The following SRBD1 variants were observed in gnomAD, a reference collection of about 807,000 sequenced individuals.
SRBD1 encodes S1 RNA-binding domain-containing protein 1.
SRBD1 carries 88 observed loss-of-function variants against 115.3 expected under a neutral mutation model. That is an observed-to-expected ratio of 0.76 (90% confidence interval 0.64 to 0.91). The LOEUF is 0.91. SRBD1 is among the 40% of genes least tolerant of loss of function. SRBD1 has a pLI of 0.00. For missense variants in SRBD1, 1,385 were observed against 1,177.4 expected (o/e 1.18, Z -2.58); for synonymous variants, 509 against 407.7 (o/e 1.25, Z -2.99).
At chr2:45,564,856 G>A (rs977815722) in intron 9 of SRBD1, among the ~76,000 whole-genome samples, 1 of 152,132 alleles carries the variant, frequency 6.6e-6, no homozygotes, top group Non-Finnish European at 1.5e-5. Context: ...GTTCTGCAGG[G>A]CCAACTCTGG....
chr2:45,476,347 T>A (rs1249707938), intron 16 of SRBD1, among the ~76,000 whole-genome samples: 1 of 152,188 alleles, frequency 6.6e-6, no homozygotes, highest in Non-Finnish European at 1.5e-5. Context: ...ATAGTACCTA[T>A]CATTCAAATC....
chr2:45,390,667 C>T (rs1470738444), intron 20 of SRBD1, among the ~76,000 whole-genome samples: 1 of 152,114 alleles, frequency 6.6e-6, no homozygotes, highest in Non-Finnish European at 1.5e-5. Flanking sequence ...TTTCCTTTTC[C>T]TCCACAGCTG....
chr2:45,493,225 T>G (rs556541316), intron 14 of SRBD1, among the ~76,000 whole-genome samples: 1 of 152,354 alleles, frequency 6.6e-6, no homozygotes, highest in South Asian at 2.1e-4. Context: ...TGACTTGCAC[T>G]AGGTTTCTCA....
In SRBD1 at chr2:45,556,782, G is replaced by T. The variant is rs184382085; in HGVS notation, c.1410-3052C>A. Among the ~76,000 whole-genome samples the T allele has an allele frequency of 2.0e-5, 3 of 152,124 alleles. No homozygotes were observed. In the South Asian group the frequency reaches 6.2e-4, roughly 32 times the overall value. On this transcript the variant is annotated intron_variant, in intron 10 of 20. Transcript: ENST00000263736. ...CTGGCCTTGCTCTATGTTCATGGTG[G>T]ATTTACTTAAGTATATCTGTGCTAC...
chr2:45,583,876 A>C (rs1673438905), intron 5 of SRBD1, among the ~76,000 whole-genome samples: 1 of 152,234 alleles, frequency 6.6e-6, no homozygotes, highest in South Asian at 2.1e-4. Flanking sequence ...TATTCATAGA[A>C]ACCCAGAGAA....
chr2:45,534,713 T>C (rs1671714608), intron 14 of SRBD1, among the ~76,000 whole-genome samples: 1 of 151,942 alleles, frequency 6.6e-6, no homozygotes, highest in Non-Finnish European at 1.5e-5. Context: ...AGTGAGAAAT[T>C]AATAACACCA....
intron 15 of SRBD1, among the ~76,000 whole-genome samples, chr2:45,477,915 C>A (rs1667444499): frequency 6.6e-6 from 1 of 151,742 alleles, no homozygotes; most frequent in South Asian, 2.1e-4. Flanking sequence ...GAGTTAATTT[C>A]AAACATTCCT....
Position 45,581,676 on chromosome 2 carries a change from TA to T in SRBD1, c.933+16del. 1 of 1,593,292 alleles carries T rather than the reference TA, an allele frequency of 6.3e-7. No homozygotes were observed. Among genetic ancestry groups the T allele is most frequent in the Non-Finnish European group, 8.6e-7 (1 of 1,166,674 alleles). On this transcript the variant is annotated intron_variant, in intron 6 of 20. Transcript: ENST00000263736. The stretch of plus-strand genomic sequence containing the variant: ...TATATTCAGGTATTACATTAAAAGA[TA>T]AAAAGGATTCCTTACCACGTGTTCT...
At chr2:45,443,135 A>C (rs1668721102) in intron 16 of SRBD1, among the ~76,000 whole-genome samples, 1 of 152,184 alleles carries the variant, frequency 6.6e-6, no homozygotes, top group Non-Finnish European at 1.5e-5. Context: ...GATCTGACAT[A>C]CTTTTTAAAA....
At chr2:45,513,365 G>A (rs1218505281) in intron 14 of SRBD1, among the ~76,000 whole-genome samples, 4 of 150,736 alleles carry the variant, frequency 2.7e-5, no homozygotes, top group Non-Finnish European at 5.9e-5. Context: ...GTCTAGTTAT[G>A]TAACAAGGGC....
chr2:45,398,603 T>C (rs969163448), intron 19 of SRBD1, among the ~76,000 whole-genome samples: 1 of 152,188 alleles, frequency 6.6e-6, no homozygotes, highest in African/African-American at 2.4e-5. Flanking sequence ...GCTGTTTTAT[T>C]TTAAAATTTC....
At chr2:45,517,526 T>C (rs903845910) in intron 14 of SRBD1, among the ~76,000 whole-genome samples, 2 of 152,248 alleles carry the variant, frequency 1.3e-5, no homozygotes, top group Admixed American at 1.3e-4. Context: ...TGACCAAGTC[T>C]GTATACAGCT....
chr2:45,513,780 A>G (rs1175070536), intron 14 of SRBD1, among the ~76,000 whole-genome samples: 2 of 141,330 alleles, frequency 1.4e-5, no homozygotes, highest in African/African-American at 2.7e-5. Context: ...GGTCTTGTTC[A>G]AAACAGTTTT....
chr2:45,447,391 T>C (rs914491481), intron 16 of SRBD1: 15 of 152,186 alleles, frequency 9.9e-5, no homozygotes, highest in African/African-American at 3.4e-4. Context: ...GAGGTTGCAG[T>C]GAGTCGAGAT....
At chr2:45,501,120 C>A (rs1670618149) in intron 14 of SRBD1, among the ~76,000 whole-genome samples, 1 of 152,144 alleles carries the variant, frequency 6.6e-6, no homozygotes, top group South Asian at 2.1e-4. Context: ...AATGCTTTTT[C>A]AGCATCTATT....
At chr2:45,513,851 G>C (rs1009258490) in intron 14 of SRBD1, among the ~76,000 whole-genome samples, 1 of 152,060 alleles carries the variant, frequency 6.6e-6, no homozygotes, top group Non-Finnish European at 1.5e-5. Flanking sequence ...AAAAATTAAA[G>C]GATGCTAAAG....
At chr2:45,444,387 C>T (rs537439607) in intron 16 of SRBD1, among the ~76,000 whole-genome samples, 15 of 152,270 alleles carry the variant, frequency 9.9e-5, no homozygotes, top group African/African-American at 3.4e-4. Context: ...ATCCACATAA[C>T]TTTAGTAAAG....
chr2:45,513,480 C>G (rs898895335), intron 14 of SRBD1, among the ~76,000 whole-genome samples: 1 of 150,190 alleles, frequency 6.7e-6, no homozygotes, highest in African/African-American at 2.4e-5. Flanking sequence ...AGCACTGAGA[C>G]AAATTCTCTT....
At chr2:45,480,862 A>T (rs1180689735) in intron 15 of SRBD1, among the ~76,000 whole-genome samples, 1 of 152,108 alleles carries the variant, frequency 6.6e-6, no homozygotes, top group East Asian at 1.9e-4. Flanking sequence ...TTCAATTTTA[A>T]ATAAAGTTCT....
Sources: allele counts gnomAD v4.1 joint callset (sites outside exome capture counted in the v4.1 genomes callset), GRCh38; gene constraint gnomAD v4.1.1; transcripts MANE v1.5; gene names NCBI Gene and HGNC (gene_info 2026-07-23, HGNC 2026-07-21).